RBM34: variants seen among roughly 807,000 people sequenced by gnomAD.
The protein encoded by RBM34 is RNA-binding protein 34.
Under a neutral mutation model 44.6 loss-of-function variants are expected in RBM34, and 39 were observed. That is an observed-to-expected ratio of 0.87 (90% CI 0.68 to 1.14). The LOEUF is 1.14. Among genes scored for constraint, RBM34 ranks in the 50% most tolerant of loss-of-function variants. RBM34 has a pLI of 0.00. For missense variants in RBM34, 572 were observed against 517.9 expected, an observed-to-expected ratio of 1.10 and a Z score of -1.01; for synonymous variants, 194 against 184.0, an observed-to-expected ratio of 1.05 and a Z score of -0.44.
chr1:235,136,110 A>C (rs1206561193), intron 8 of RBM34, 37 bp from the exon 9 acceptor site: 1 of 1,550,802 alleles, frequency 6.4e-7, no homozygotes, highest in African/African-American at 1.4e-5. Context: ...ATCACTCACT[A>C]GACCAGAAAA....
chr1:235,154,232 C>T (rs1231780140), intron 4 of RBM34, among the ~76,000 whole-genome samples: 2 of 140,192 alleles, frequency 1.4e-5, no homozygotes, highest in South Asian at 2.3e-4. Context: ...GGCAACAGAG[C>T]GAGACTCTGT....
At chr1:235,133,416 G>A (rs1661294543) in intron 10 of RBM34, among the ~76,000 whole-genome samples, 1 of 152,152 alleles carries the variant, frequency 6.6e-6, no homozygotes, top group South Asian at 2.1e-4. Context: ...GGTCCAACAT[G>A]AGAGAAATGA....
intron 4 of RBM34, 98 bp from the exon 5 acceptor site, chr1:235,152,863 T>C: frequency 2.3e-6 from 2 of 863,198 alleles, no homozygotes; most frequent in Non-Finnish European, 3.4e-6. Flanking sequence ...AATCCTCTAC[T>C]GCCAGGCTTT....
chr1:235,155,476 G>A (rs1317128758), intron 3 of RBM34, among the ~76,000 whole-genome samples: 1 of 148,472 alleles, frequency 6.7e-6, no homozygotes, highest in Non-Finnish European at 1.5e-5. Context: ...CAAGTAACTG[G>A]GACCACAGGC....
At chr1:235,149,709 G>A (rs763861035) in intron 5 of RBM34, among the ~76,000 whole-genome samples, 6 of 152,084 alleles carry the variant, frequency 3.9e-5, no homozygotes, top group Non-Finnish European at 5.9e-5. Context: ...TACAGCTGTC[G>A]ACAACATGCC....
At chr1:235,135,624 A>G (rs1333458098) in intron 10 of RBM34, 28 bp downstream of exon 10, 1 of 1,561,122 alleles carries the variant, frequency 6.4e-7, no homozygotes, top group Non-Finnish European at 8.8e-7. Flanking sequence ...ACTTCGAAGG[A>G]CAGTGACAAT....
chr1:235,150,228 C>A (rs1301783351), intron 5 of RBM34, among the ~76,000 whole-genome samples: 1 of 152,198 alleles, frequency 6.6e-6, no homozygotes, highest in African/African-American at 2.4e-5. Flanking sequence ...GCCCCCGCCA[C>A]CATGCCCAGC....
At chr1:235,133,256 G>A (rs868731795) in intron 10 of RBM34, among the ~76,000 whole-genome samples, 3 of 152,294 alleles carry the variant, frequency 2.0e-5, no homozygotes, top group South Asian at 2.1e-4. Flanking sequence ...TGGGAGGATC[G>A]CTAGAGCCTG....
chr1:235,131,729 T>G lies in RBM34; in HGVS notation c.1277A>C (p.Gln426Pro), dbSNP rs2102819195. 6.3e-7 allele frequency: 1 copy of G among 1,587,548 alleles called. No individual in the cohort carries two copies. ...TCCTGGTTGTTATTTCTGTTTTCTC[T>G]GTTTCTTAGGGCGTCCACTTTTCTT... ...GQKKSGRPKK[Q>P]RKQK is the part of the protein sequence containing the mutation. The change falls in exon 11 of 11, where the codon CAG becomes CCG. Residue 426 changes from glutamine to proline, a missense_variant. Coordinates refer to ENST00000408888, the MANE Select transcript of RBM34 (RefSeq NM_015014.4).
At chr1:235,152,551 T>G in intron 5 of RBM34, 155 bp downstream of exon 5, 1 of 1,396,300 alleles carries the variant, frequency 7.2e-7, no homozygotes, top group Non-Finnish European at 9.3e-7. Flanking sequence ...GAGTCAGCAG[T>G]AGATAGTAAG....
Position 235,137,952 on chromosome 1 carries a change from A to G in RBM34, c.786-12T>C. 6.3e-7 allele frequency: 1 copy of G among 1,597,074 alleles called. No individual in the cohort carries two copies. The highest frequency in any genetic ancestry group is 8.6e-7 in the Non-Finnish European group (1 of 1,166,754). Reference sequence around the variant, plus strand: ...TCTGGGCCCCATTTCTGTATTATAAATACAAAGGGAAAATGGTTGTTAAAA... The same window carrying G: ...TCTGGGCCCCATTTCTGTATTATAAGTACAAAGGGAAAATGGTTGTTAAAA... On this transcript the variant is annotated splice_polypyrimidine_tract_variant and intron_variant, in intron 7 of 10. Coordinates refer to ENST00000408888, the MANE Select transcript of RBM34 (RefSeq NM_015014.4).
intron 6 of RBM34, among the ~76,000 whole-genome samples, chr1:235,144,319 G>A (rs1360703727): frequency 6.6e-6 from 1 of 152,084 alleles, no homozygotes; most frequent in African/African-American, 2.4e-5. Flanking sequence ...GAAAGCAAAT[G>A]AATGGCTGCC....
At chr1:235,132,459 C>T (rs1661248865) in intron 10 of RBM34, among the ~76,000 whole-genome samples, 1 of 152,122 alleles carries the variant, frequency 6.6e-6, no homozygotes, top group Admixed American at 6.6e-5. Flanking sequence ...CAGGCGCGGG[C>T]CAACATACCC....
chr1:235,150,013 A>G (rs1662088841), intron 5 of RBM34, among the ~76,000 whole-genome samples: 1 of 152,214 alleles, frequency 6.6e-6, no homozygotes, highest in African/African-American at 2.4e-5. Context: ...TGACATCATC[A>G]AAACACATTT....
chr1:235,153,005 G>A (rs1441200014), intron 4 of RBM34, among the ~76,000 whole-genome samples: 1 of 144,896 alleles, frequency 6.9e-6, no homozygotes, highest in African/African-American at 2.6e-5. Context: ...AAGTAGCTGG[G>A]ATTACAGGCG....
At chr1:235,139,070 G>A (rs1661565185) in intron 6 of RBM34, among the ~76,000 whole-genome samples, 1 of 152,174 alleles carries the variant, frequency 6.6e-6, no homozygotes, top group African/African-American at 2.4e-5. Flanking sequence ...GTCAATGACT[G>A]CAGCTGCTGC....
rs577850695 is a variant in RBM34, at chr1:235,157,349, A to G, written c.366-2237T>C. 5.3e-5 allele frequency among the ~76,000 whole-genome samples: 8 copies of G among 152,214 alleles called. No homozygotes were observed. In the East Asian group the frequency reaches 1.4e-3, roughly 26 times the overall value. ...ATAATTAAAAAACAGCATCATCAGG[A>G]CTCGGCAACTGATTAGCTAAGCAAG... On this transcript the variant is annotated intron_variant, in intron 3 of 10. Coordinates refer to ENST00000408888, the MANE Select transcript of RBM34 (RefSeq NM_015014.4).
At chr1:235,149,849 T>A (rs1478677683) in intron 5 of RBM34, among the ~76,000 whole-genome samples, 1 of 152,214 alleles carries the variant, frequency 6.6e-6, no homozygotes, top group Non-Finnish European at 1.5e-5. Flanking sequence ...TCTTTCTCAG[T>A]AACCTGATAG....
At chr1:235,160,414 A>G in intron 3 of RBM34, 97 bp downstream of exon 3, 4 of 1,458,916 alleles carry the variant, frequency 2.7e-6, no homozygotes, top group Non-Finnish European at 3.8e-6. Flanking sequence ...TTTGAAAGAA[A>G]GTAGAAATAT....
Sources: allele counts gnomAD v4.1 joint callset (sites outside exome capture counted in the v4.1 genomes callset), GRCh38; gene constraint gnomAD v4.1.1; transcripts MANE v1.5; gene names NCBI Gene and HGNC (gene_info 2026-07-23, HGNC 2026-07-21).